Variants in KCNC2 observed in about 807,000 individuals in gnomAD.
The protein encoded by KCNC2 is voltage-gated potassium channel KCNC2.
KCNC2 carries 21 observed loss-of-function variants against 44.5 expected under a neutral mutation model. That is an observed-to-expected ratio of 0.47 (90% confidence interval 0.33 to 0.68). The LOEUF (loss-of-function observed/expected upper bound fraction) is 0.68. KCNC2 is among the 30% of genes least tolerant of loss of function. The pLI, the probability that KCNC2 is intolerant of heterozygous loss-of-function variation, is 0.01. For missense variants in KCNC2, 589 were observed against 826.2 expected (o/e 0.71, Z 3.52); for synonymous variants, 391 against 339.1 (o/e 1.15, Z -1.68).
chr12:75,084,769 C>G (rs1051329407), intron 2 of KCNC2, among the ~76,000 whole-genome samples: 1 of 151,930 alleles, frequency 6.6e-6, no homozygotes, highest in South Asian at 2.1e-4. Context: ...TAAAGGACTA[C>G]AGACACCTAG....
At chr12:75,203,440 G>A (rs1370788528) in intron 2 of KCNC2, among the ~76,000 whole-genome samples, 2 of 151,608 alleles carry the variant, frequency 1.3e-5, no homozygotes, top group African/African-American at 2.4e-5. Flanking sequence ...TGATAGATTC[G>A]CTATCACAAT....
At chr12:75,118,471 C>T (rs1887832314) in intron 2 of KCNC2, among the ~76,000 whole-genome samples, 1 of 151,962 alleles carries the variant, frequency 6.6e-6, no homozygotes, top group Non-Finnish European at 1.5e-5. Flanking sequence ...ATTTCAACCT[C>T]ATTGCTGAGG....
intron 2 of KCNC2, among the ~76,000 whole-genome samples, chr12:75,204,885 C>G (rs1461327442): frequency 1.3e-5 from 2 of 151,996 alleles, no homozygotes; most frequent in African/African-American, 4.8e-5. Context: ...CAAAAGAAAG[C>G]CAAATATTAA....
At position 75,041,272 on chromosome 12, in the gene KCNC2, A is replaced by G. The variant is rs763028765; in HGVS notation, c.*1833T>C. 8 of 1,563,678 alleles carry G rather than the reference A, an allele frequency of 5.1e-6. No homozygotes were observed. Among genetic ancestry groups the G allele is most frequent in the African/African-American group, 1.4e-5 (1 of 74,072 alleles). On this transcript the variant is annotated 3_prime_UTR_variant, in exon 5 of 5. Transcript: ENST00000549446. ...TTTTACCATAAATTTGTGTGTAATTATAATGTTCTATGTGTGGTGTTATCA... is the reference window on the plus strand; with the variant it reads ...TTTTACCATAAATTTGTGTGTAATTGTAATGTTCTATGTGTGGTGTTATCA...
At chr12:75,177,057 T>TATATATATATATATATATATATATATAC (rs1491339880) in intron 2 of KCNC2, among the ~76,000 whole-genome samples, 4 of 127,300 alleles carry the variant, frequency 3.1e-5, no homozygotes, top group African/African-American at 1.2e-4. Flanking sequence ...TATATATATA[T>TATATATATATATATATATATATATATAC]ACACACACAC....
rs534042278 is a variant in KCNC2 at position 75,201,044 on chromosome 12, T to G, written c.687+6253A>C. Among the ~76,000 whole-genome samples, 5 of 151,580 alleles carry G rather than the reference T, an allele frequency of 3.3e-5. No individual in the cohort carries two copies. The East Asian group carries it at 9.7e-4, about 29-fold the overall frequency. On this transcript the variant is annotated intron_variant, in intron 2 of 4. Coordinates refer to ENST00000549446, the MANE Select transcript of KCNC2 (RefSeq NM_139137.4). ...CAGGTGGTTGGATATACACCTGCAC[T>G]GAATCTTAGACCTAAGAAATGACAG...
intron 2 of KCNC2, among the ~76,000 whole-genome samples, chr12:75,196,874 C>T (rs568017345): frequency 1.3e-5 from 2 of 152,182 alleles, no homozygotes; most frequent in South Asian, 4.1e-4. Flanking sequence ...AGAGAAAACA[C>T]CTGTTAACAT....
At chr12:75,065,539 T>C (rs1246578272) in intron 2 of KCNC2, among the ~76,000 whole-genome samples, 1 of 152,108 alleles carries the variant, frequency 6.6e-6, no homozygotes, top group Non-Finnish European at 1.5e-5. Context: ...TATAAAACCA[T>C]GTTTTTAACT....
chr12:75,045,380 C>T (rs891258950), intron 4 of KCNC2, among the ~76,000 whole-genome samples: 12 of 151,792 alleles, frequency 7.9e-5, no homozygotes, highest in Non-Finnish European at 1.0e-4. Flanking sequence ...GTTTATGGGT[C>T]CTATATTTCT....
chr12:75,093,745 G>A (rs1334647135), intron 2 of KCNC2, among the ~76,000 whole-genome samples: 1 of 151,478 alleles, frequency 6.6e-6, no homozygotes, highest in Non-Finnish European at 1.5e-5. Flanking sequence ...TAAAACTCAT[G>A]TTCACCCACA....
chr12:75,181,015 C>A (rs1461300890), intron 2 of KCNC2, among the ~76,000 whole-genome samples: 2 of 152,076 alleles, frequency 1.3e-5, no homozygotes, highest in Non-Finnish European at 2.9e-5. Context: ...GAACTTCTAA[C>A]ATGTTGAGTA....
Position 75,144,466 on chromosome 12 carries a change from G to A in KCNC2, c.687+62831C>T, listed in dbSNP as rs147291657. The stretch of plus-strand genomic sequence containing the variant: ...AGAACTCCAAAGTATGCTTGTATAG[G>A]CAAGTGTAGTGGCATATGCTTGTAG... On this transcript the variant is annotated intron_variant, in intron 2 of 4. Transcript: ENST00000549446. Among the ~76,000 whole-genome samples, 1,343 of 152,216 alleles carry A rather than the reference G, an allele frequency of 8.8e-3. 14 individuals are homozygous for A. Among genetic ancestry groups the A allele is most frequent in the Middle Eastern group, 0.044 (13 of 294 alleles).
At chr12:75,096,866 A>C (rs1382389107) in intron 2 of KCNC2, among the ~76,000 whole-genome samples, 1 of 152,084 alleles carries the variant, frequency 6.6e-6, no homozygotes, top group South Asian at 2.1e-4. Flanking sequence ...AGAAATTTCT[A>C]CTTTAAAATC....
intron 2 of KCNC2, among the ~76,000 whole-genome samples, chr12:75,116,802 C>T (rs746780450): frequency 5.9e-5 from 9 of 152,118 alleles, no homozygotes; most frequent in Non-Finnish European, 1.3e-4. Flanking sequence ...TGACCCTCCT[C>T]CCCCGGGCCA....
At chr12:75,066,910 CAA>C in intron 2 of KCNC2, among the ~76,000 whole-genome samples, 1 of 152,106 alleles carries the variant, frequency 6.6e-6, no homozygotes, top group South Asian at 2.1e-4. Context: ...TTGGGGATAA[CAA>C]AAAAGCTTAG....
At chr12:75,078,152 A>G (rs1884163508) in intron 2 of KCNC2, among the ~76,000 whole-genome samples, 1 of 152,178 alleles carries the variant, frequency 6.6e-6, no homozygotes, top group Non-Finnish European at 1.5e-5. Flanking sequence ...AATTAGAAAT[A>G]TTGGTCAAAA....
chr12:75,189,222 C>T (rs2137696705), intron 2 of KCNC2, among the ~76,000 whole-genome samples: 1 of 152,316 alleles, frequency 6.6e-6, no homozygotes, highest in African/African-American at 2.4e-5. Context: ...ATGAACCCTA[C>T]TTCTCCAACA....
intron 2 of KCNC2, among the ~76,000 whole-genome samples, chr12:75,191,009 C>G (rs2030151967): frequency 6.6e-6 from 1 of 151,676 alleles, no homozygotes; most frequent in Admixed American, 6.6e-5. Flanking sequence ...ATAACTATAC[C>G]TATGATTAAT....
At chr12:75,065,453 T>C (rs1882737836) in intron 2 of KCNC2, among the ~76,000 whole-genome samples, 1 of 152,122 alleles carries the variant, frequency 6.6e-6, no homozygotes, top group Admixed American at 6.6e-5. Flanking sequence ...ATAAAAGTAA[T>C]TAGAATACAG....
Sources: gnomAD v4.1 joint callset for allele counts (sites outside exome capture counted in the v4.1 genomes callset) on GRCh38, gnomAD v4.1.1 for gene constraint, MANE v1.5 for transcripts, NCBI Gene and HGNC (gene_info 2026-07-23, HGNC 2026-07-21) for gene names.